DRC7: variants seen among roughly 807,000 people sequenced by gnomAD.
DRC7 encodes coiled-coil domain containing 135.
A neutral mutation model predicts 104.4 loss-of-function variants in DRC7; 80 were observed. That is an observed-to-expected ratio of 0.77 (90% CI 0.64 to 0.92). The LOEUF (loss-of-function observed/expected upper bound fraction) is 0.92. Among genes scored for constraint, DRC7 ranks in the 40% least tolerant of loss-of-function variants. The probability of loss-of-function intolerance (pLI) is 0.00; values close to 1 mark genes in which losing one functional copy is unlikely to be tolerated. For synonymous variants in DRC7, 405 were observed against 447.3 expected, an observed-to-expected ratio of 0.91 and a Z score of 1.19; for missense variants, 1,034 against 1,141.1, an observed-to-expected ratio of 0.91 and a Z score of 1.35.
intron 16 of DRC7, among the ~76,000 whole-genome samples, chr16:57,727,809 G>T (rs1221990876): frequency 6.6e-6 from 1 of 152,220 alleles, no homozygotes; most frequent in South Asian, 2.1e-4. Context: ...AGGTTGCAAG[G>T]CCCCGCCTGG....
rs768654264 is a variant in DRC7 at position 57,721,695 on chromosome 16, A to T, written c.1235A>T (p.Asp412Val). Residue 412 changes from aspartate (D) to valine (V), a missense_variant, in exon 10 of 19, where the codon GAC becomes GTC. Asp to Val is a radical substitution (Grantham distance 152, BLOSUM62 -3). Coordinates refer to ENST00000360716, the MANE Select transcript of DRC7 (RefSeq NM_001289162.2). ...LGKEDEDKSF[D>V]MPHSWVEQIE... The stretch of plus-strand genomic sequence containing the variant: ...AAGGAGGATGAGGATAAGAGCTTCG[A>T]CATGCCCCACTCGTGGGTGGAGCAG... The T allele has an allele frequency of 6.2e-7, 1 of 1,613,958 alleles. No individual in the cohort carries two copies.
At chr16:57,718,292 G>C in intron 8 of DRC7, 55 bp from the exon 9 acceptor site, 1 of 1,594,980 alleles carries the variant, frequency 6.3e-7, no homozygotes, top group African/African-American at 1.3e-5. Context: ...CATGGATCAG[G>C]TGGGGACGTG....
chr16:57,720,348 T>C (rs1489555870), intron 9 of DRC7, among the ~76,000 whole-genome samples: 2 of 152,212 alleles, frequency 1.3e-5, no homozygotes, highest in African/African-American at 4.8e-5. Flanking sequence ...GGCACAGCAG[T>C]GTAGACCATC....
intron 1 of DRC7, among the ~76,000 whole-genome samples, chr16:57,695,092 C>T (rs1319893053): frequency 7.9e-5 from 12 of 152,078 alleles, no homozygotes; most frequent in African/African-American, 2.9e-4. Flanking sequence ...GACTGCCTTC[C>T]CCACACTGGG....
At chr16:57,715,214 A>AT (rs2048830099) in intron 8 of DRC7, among the ~76,000 whole-genome samples, 2 of 151,834 alleles carry the variant, frequency 1.3e-5, no homozygotes, top group African/African-American at 4.8e-5. Flanking sequence ...CAAGTGGCTA[A>AT]TTTTTTTGTA....
rs542716732 is a variant in DRC7 at position 57,695,644 on chromosome 16, C to T, written c.-169+792C>T. Among the ~76,000 whole-genome samples, 3 of 152,318 alleles carry T rather than the reference C, an allele frequency of 2.0e-5. No homozygotes were observed. In the South Asian group the frequency reaches 6.2e-4, roughly 32 times the overall value. The stretch of plus-strand genomic sequence containing the variant: ...AGGTTCTCCCCTGAGGATCTGGGGT[C>T]CTGAATGGTGTTGGGCTACCTAGGC... On this transcript the variant is annotated intron_variant, in intron 1 of 18. Coordinates refer to ENST00000360716, the MANE Select transcript of DRC7 (RefSeq NM_001289162.2).
At chr16:57,714,682 G>A (rs560374813) in intron 8 of DRC7, 10 of 219,438 alleles carry the variant, frequency 4.6e-5, no homozygotes, top group East Asian at 1.2e-4. Context: ...GGTTTCTATC[G>A]GGAATGAAAT....
At chr16:57,725,771 G>A (rs1192644371) in intron 13 of DRC7, 1 of 389,332 alleles carries the variant, frequency 2.6e-6, no homozygotes, top group Non-Finnish European at 4.7e-6. Context: ...AGTAAGGGAT[G>A]TCTAGCAATG....
At chr16:57,719,575 T>C (rs185032388) in intron 9 of DRC7, among the ~76,000 whole-genome samples, 1 of 152,320 alleles carries the variant, frequency 6.6e-6, no homozygotes, top group African/African-American at 2.4e-5. Flanking sequence ...AGTGGCACGA[T>C]CATAGCTCAC....
chr16:57,701,844 C>A (rs2048661467), intron 5 of DRC7, 92 bp from the exon 6 acceptor site: 18 of 1,159,820 alleles, frequency 1.6e-5, no homozygotes, highest in Non-Finnish European at 2.1e-5. Context: ...GGTCCTGGCT[C>A]CCCACCCTGA....
chr16:57,722,370 G>A (rs2048913012), intron 10 of DRC7, among the ~76,000 whole-genome samples: 1 of 152,156 alleles, frequency 6.6e-6, no homozygotes, highest in Admixed American at 6.5e-5. Context: ...AGGATCTGAA[G>A]GAGTCAGTCC....
At chr16:57,708,154 G>T (rs2048753065) in intron 8 of DRC7, among the ~76,000 whole-genome samples, 1 of 152,124 alleles carries the variant, frequency 6.6e-6, no homozygotes, top group Non-Finnish European at 1.5e-5. Flanking sequence ...CTACAAGAGG[G>T]TACAGAGGAG....
rs1016066970 is a variant in DRC7 at position 57,703,359 on chromosome 16, A to G, written c.699+1229A>G. 5.3e-5 allele frequency among the ~76,000 whole-genome samples: 8 copies of G among 152,332 alleles called. No homozygotes were observed. In the South Asian group the frequency reaches 8.3e-4, roughly 16 times the overall value. On this transcript the variant is annotated intron_variant, in intron 6 of 18. Coordinates refer to ENST00000360716, the MANE Select transcript of DRC7 (RefSeq NM_001289162.2). ...CAGAATCACAAATGCATCTCTTTAC[A>G]TTTAGAAAATAGTCATGCTACAGAC... is the stretch of plus-strand genomic sequence containing the variant.
At position 57,695,466 on chromosome 16, in the gene DRC7, C is replaced by T. The variant is rs112492632; in HGVS notation, c.-169+614C>T. ...AGTAGAGGATAAGTGAGATGATCTC[C>T]GTACAACCCTCAGCACAGGTCTGAC... On this transcript the variant is annotated intron_variant, in intron 1 of 18. Transcript: ENST00000360716. Among the ~76,000 whole-genome samples, 987 of 152,292 alleles carry T rather than the reference C, an allele frequency of 6.5e-3. 9 individuals are homozygous for T. Among genetic ancestry groups the T allele is most frequent in the African/African-American group, 0.022 (914 of 41,564 alleles).
Position 57,726,299 on chromosome 16 carries a change from A to C in DRC7, c.1974+16A>C. 6.2e-7 allele frequency: 1 copy of C among 1,602,444 alleles called. No individual in the cohort carries two copies. Among genetic ancestry groups the C allele is most frequent in the Non-Finnish European group, 8.5e-7 (1 of 1,171,298 alleles). On this transcript the variant is annotated intron_variant, in intron 14 of 18. Transcript: ENST00000360716. ...CAGCTTCGAGGTGGGCCTGGGGGCC[A>C]CGGCGGGCAGGGGTCGGCTGCAGGA...
At position 57,724,756 on chromosome 16, in the gene DRC7, C is replaced by T. The variant is rs1450676499; in HGVS notation, c.1679C>T (p.Ser560Phe). ...EYYQGRPDFL[S>F]YRHASFGPRV... Reference sequence around the variant, plus strand: ...TATCAAGGACGCCCAGACTTCCTCTCCTACCGCCATGCCAGCTTCGGACCC... The same window carrying T: ...TATCAAGGACGCCCAGACTTCCTCTTCTACCGCCATGCCAGCTTCGGACCC... Residue 560 changes from serine (S) to phenylalanine (F), a missense_variant, in exon 13 of 19, where the codon TCC becomes TTC. Coordinates refer to ENST00000360716, the MANE Select transcript of DRC7 (RefSeq NM_001289162.2). The T allele has an allele frequency of 2.5e-6, 4 of 1,613,770 alleles. No individual in the cohort carries two copies. The highest frequency in any genetic ancestry group is 8.5e-7 in the Non-Finnish European group (1 of 1,180,022).
Position 57,727,231 on chromosome 16 carries a change from A to G in DRC7, c.2086-68A>G, listed in dbSNP as rs1280869292. ...TGCAATCTGCCCTCCTTGGCTTCCCAAAGTGCTGGGGTTACAGGAGTGGAG... is the reference window on the plus strand; with the variant it reads ...TGCAATCTGCCCTCCTTGGCTTCCCGAAGTGCTGGGGTTACAGGAGTGGAG... On this transcript the variant is annotated intron_variant, in intron 15 of 18. Transcript: ENST00000360716. 7 of 1,334,744 alleles carry G rather than the reference A, an allele frequency of 5.2e-6. No individual in the cohort carries two copies. The African/African-American group carries it at 1.0e-4, about 19-fold the overall frequency. 82.7% of individuals were successfully genotyped at this position (1,334,744 alleles called of 1,614,324 possible).
In DRC7 at chr16:57,724,656, A is replaced by G. The variant is rs1263892110; in HGVS notation, c.1579A>G (p.Ile527Val). The G allele has an allele frequency of 3.7e-6, 6 of 1,613,910 alleles. No individual in the cohort carries two copies. The highest frequency in any genetic ancestry group is 1.1e-5 in the South Asian group (1 of 91,076). The change falls in exon 13 of 19, where the codon ATT becomes GTT. Residue 527 changes from isoleucine (I) to valine (V), a missense_variant. By Grantham distance (29) the Ile-to-Val change is conservative. Transcript: ENST00000360716. ...CATGCAACCTGAGATGGACCGTGTCATTGAGTTTTATGAAACGGCCCGTGT... is the reference window on the plus strand; with the variant it reads ...CATGCAACCTGAGATGGACCGTGTCGTTGAGTTTTATGAAACGGCCCGTGT... ...KSMQPEMDRV[I>V]EFYETARVDG...
Position 57,718,461 on chromosome 16 carries a change from G to A in DRC7, c.1192G>A (p.Asp398Asn). ...EDDSGINDED[D>N]VENLGKEDED... ...CGACAGTGGGATAAACGATGAGGATGATGTGGAAAATCTGGTGAGTCTCAG... is the reference window on the plus strand; with the variant it reads ...CGACAGTGGGATAAACGATGAGGATAATGTGGAAAATCTGGTGAGTCTCAG... The change falls in exon 9 of 19, where the codon GAT becomes AAT. Residue 398 changes from aspartate to asparagine, a missense_variant. Transcript: ENST00000360716. 1 of 1,614,058 alleles carries A rather than the reference G, an allele frequency of 6.2e-7. No individual in the cohort carries two copies. The highest frequency in any genetic ancestry group is 8.5e-7 in the Non-Finnish European group (1 of 1,179,924).
Sources: allele counts gnomAD v4.1 joint callset (sites outside exome capture counted in the v4.1 genomes callset), GRCh38; gene constraint gnomAD v4.1.1; transcripts MANE v1.5; gene names NCBI Gene and HGNC (gene_info 2026-07-23, HGNC 2026-07-21).